Variants in PPP1R16B observed in about 807,000 individuals in gnomAD.
PPP1R16B encodes protein phosphatase 1 regulatory subunit 16B.
In PPP1R16B, 14 loss-of-function variants were observed where a neutral mutation model predicts 61.7. That is an observed-to-expected ratio of 0.23 (90% CI 0.15 to 0.35). PPP1R16B has a LOEUF of 0.35. PPP1R16B is among the 10% of genes least tolerant of loss of function. PPP1R16B has a pLI of 1.00. For missense variants in PPP1R16B, 547 were observed against 752.5 expected, an observed-to-expected ratio of 0.73 and a Z score of 3.19; for synonymous variants, 266 against 305.3, an observed-to-expected ratio of 0.87 and a Z score of 1.34.
At chr20:38,901,904 C>T (rs1368878212) in intron 5 of PPP1R16B, among the ~76,000 whole-genome samples, 1 of 152,192 alleles carries the variant, frequency 6.6e-6, no homozygotes, top group Non-Finnish European at 1.5e-5. Flanking sequence ...GCTAACACTA[C>T]TGTGGGTTTT....
At chr20:38,832,684 C>T (rs561695249) in intron 1 of PPP1R16B, among the ~76,000 whole-genome samples, 4 of 152,108 alleles carry the variant, frequency 2.6e-5, no homozygotes, top group East Asian at 1.9e-4. Flanking sequence ...TTTGGGAGGC[C>T]GAGGTGGGCA....
At chr20:38,809,554 T>C (rs371464955) in intron 1 of PPP1R16B, among the ~76,000 whole-genome samples, 4 of 152,124 alleles carry the variant, frequency 2.6e-5, no homozygotes, top group African/African-American at 9.7e-5. Context: ...TGGCTCAGGC[T>C]GACCCAGGTC....
intron 2 of PPP1R16B, among the ~76,000 whole-genome samples, chr20:38,867,108 T>C (rs1305304107): frequency 6.6e-6 from 1 of 152,200 alleles, no homozygotes; most frequent in African/African-American, 2.4e-5. Flanking sequence ...ATCTGGATCA[T>C]GTTACATTGT....
At chr20:38,822,017 A>C (rs1601235691) in intron 1 of PPP1R16B, among the ~76,000 whole-genome samples, 1 of 147,324 alleles carries the variant, frequency 6.8e-6, no homozygotes, top group African/African-American at 2.5e-5. Flanking sequence ...TATATATTAT[A>C]TTTACATTAT....
At chr20:38,861,779 C>A (rs1048570576) in intron 2 of PPP1R16B, among the ~76,000 whole-genome samples, 1 of 150,700 alleles carries the variant, frequency 6.6e-6, no homozygotes, top group African/African-American at 2.5e-5. Flanking sequence ...CGGGTTCAAG[C>A]GATTCTCTTG....
At chr20:38,833,131 A>G (rs1204768601) in intron 1 of PPP1R16B, among the ~76,000 whole-genome samples, 1 of 152,216 alleles carries the variant, frequency 6.6e-6, no homozygotes, top group Non-Finnish European at 1.5e-5. Context: ...ACAAGAAGAA[A>G]CGCACTATTG....
intron 1 of PPP1R16B, among the ~76,000 whole-genome samples, chr20:38,821,522 G>C (rs1218890389): frequency 6.6e-6 from 1 of 152,202 alleles, no homozygotes. Context: ...GAGAAGAAGA[G>C]CTGGTCTTTG....
intron 2 of PPP1R16B, among the ~76,000 whole-genome samples, chr20:38,844,716 G>T (rs2084926821): frequency 6.6e-6 from 1 of 152,148 alleles, no homozygotes; most frequent in Admixed American, 6.5e-5. Context: ...GATGGTGATT[G>T]CTAGTACAGC....
chr20:38,855,974 A>AAGGAGGAGGAGGAGGAG lies in PPP1R16B; in HGVS notation c.250+19799_250+19800insAGGAGGAGGAGGAGGAG, dbSNP rs1333467827. Among the ~76,000 whole-genome samples, 268 of 120,614 alleles carry AAGGAGGAGGAGGAGGAG rather than the reference A, an allele frequency of 2.2e-3. 16 individuals carry two copies. Among genetic ancestry groups the AAGGAGGAGGAGGAGGAG allele is most frequent in the Non-Finnish European group, 3.1e-3 (178 of 57,900 alleles). The allele number at this position is 120,614 out of a possible 152,430, so 79.1% of individuals were successfully genotyped here. ...GAGAGAGAGAGAGAGAGAGAGAGAG[A>AAGGAGGAGGAGGAGGAG]GAGAGAGAAGGAGGAGGAGAGAGAC... On this transcript the variant is annotated intron_variant, in intron 2 of 10. Coordinates refer to ENST00000299824, the MANE Select transcript of PPP1R16B (RefSeq NM_015568.4).
chr20:38,822,106 C>G (rs1412916638), intron 1 of PPP1R16B, among the ~76,000 whole-genome samples: 1 of 151,064 alleles, frequency 6.6e-6, no homozygotes, highest in Non-Finnish European at 1.5e-5. Context: ...ACTCCAAACT[C>G]AGTCTTTCTT....
At chr20:38,807,628 C>T (rs1256607493) in intron 1 of PPP1R16B, among the ~76,000 whole-genome samples, 2 of 152,158 alleles carry the variant, frequency 1.3e-5, no homozygotes, top group Non-Finnish European at 2.9e-5. Context: ...TCTCCCATGC[C>T]CTTCTCTCCC....
chr20:38,870,190 G>A (rs1364747469), intron 2 of PPP1R16B, among the ~76,000 whole-genome samples: 7 of 152,012 alleles, frequency 4.6e-5, no homozygotes, highest in Non-Finnish European at 5.9e-5. Context: ...CACCCGCCTT[G>A]GCCTCCCAAA....
At chr20:38,816,575 G>A (rs1384764430) in intron 1 of PPP1R16B, among the ~76,000 whole-genome samples, 1 of 152,184 alleles carries the variant, frequency 6.6e-6, no homozygotes, top group African/African-American at 2.4e-5. Flanking sequence ...ACCCACCTGG[G>A]GGGAACCAAG....
Position 38,898,834 on chromosome 20 carries a change from AC to A in PPP1R16B, c.468-1746del, listed in dbSNP as rs1353020456. 8.3e-4 allele frequency among the ~76,000 whole-genome samples: 126 copies of A among 152,130 alleles called. 1 individual carries two copies. Among genetic ancestry groups the A allele is most frequent in the African/African-American group, 3.0e-3 (123 of 41,504 alleles). ...CAAAACAACAACAACAACAACAACA[AC>A]AACAACAACAATCATTGTGATTCTT... On this transcript the variant is annotated intron_variant, in intron 4 of 10. Coordinates refer to ENST00000299824, the MANE Select transcript of PPP1R16B (RefSeq NM_015568.4).
chr20:38,898,246 G>C (rs1439794118), intron 4 of PPP1R16B, among the ~76,000 whole-genome samples: 1 of 152,208 alleles, frequency 6.6e-6, no homozygotes, highest in Non-Finnish European at 1.5e-5. Context: ...AAGATGGTTG[G>C]TCTTTTCTCC....
intron 2 of PPP1R16B, among the ~76,000 whole-genome samples, chr20:38,871,162 C>G (rs1319187660): frequency 3.3e-5 from 5 of 152,162 alleles, no homozygotes; most frequent in African/African-American, 1.2e-4. Flanking sequence ...CACGCCCTGG[C>G]CAACCTCCTG....
chr20:38,816,122 G>T (rs1225352962), intron 1 of PPP1R16B, among the ~76,000 whole-genome samples: 1 of 152,180 alleles, frequency 6.6e-6, no homozygotes, highest in African/African-American at 2.4e-5. Flanking sequence ...CCTTAGTGGG[G>T]GCAGCAGAAG....
At chr20:38,829,032 TTAA>T (rs1331004201) in intron 1 of PPP1R16B, among the ~76,000 whole-genome samples, 1 of 152,200 alleles carries the variant, frequency 6.6e-6, no homozygotes, top group African/African-American at 2.4e-5. Flanking sequence ...TGCCTTTCCC[TTAA>T]AGGGTCAGCC....
chr20:38,903,631 A>C (rs977549731), intron 6 of PPP1R16B, among the ~76,000 whole-genome samples: 12 of 151,934 alleles, frequency 7.9e-5, no homozygotes, highest in Non-Finnish European at 1.8e-4. Flanking sequence ...CCATCCATCC[A>C]TCCAGCCATC....
Sources: allele counts gnomAD v4.1 joint callset (sites outside exome capture counted in the v4.1 genomes callset), GRCh38; gene constraint gnomAD v4.1.1; transcripts MANE v1.5; gene names NCBI Gene and HGNC (gene_info 2026-07-23, HGNC 2026-07-21).